Variants in CYP39A1 observed in about 807,000 individuals in gnomAD.
CYP39A1 encodes cytochrome P450 family 39 subfamily A member 1.
In CYP39A1, 49 loss-of-function variants were observed where a neutral mutation model predicts 58.1. The observed-to-expected ratio is 0.84, with a 90% CI of 0.67 to 1.07. The LOEUF (loss-of-function observed/expected upper bound fraction) is 1.07, where lower values mean the gene tolerates loss of function less well. Among genes scored for constraint, CYP39A1 ranks in the 50% least tolerant of loss-of-function variants. The pLI is 0.00. For missense variants in CYP39A1, 531 were observed against 539.4 expected (o/e 0.98, Z 0.16); for synonymous variants, 209 against 187.6 (o/e 1.11, Z -0.93).
rs34991519 is a variant in CYP39A1, at chr6:46,553,073, CAAAA to C, written c.1338+690_1338+693del. On this transcript the variant is annotated intron_variant, in intron 11 of 11. Coordinates refer to ENST00000275016, the MANE Select transcript of CYP39A1 (RefSeq NM_016593.5). ...AACAAATAAAAAACAACCCCCCAACCAAAAAAAAAAAAAAAAAAAAAGGAAAGAA... is the reference window on the plus strand; with the variant it reads ...AACAAATAAAAAACAACCCCCCAACCAAAAAAAAAAAAAAAAAGGAAAGAA... Among the ~76,000 whole-genome samples the C allele has an allele frequency of 3.5e-3, 286 of 81,372 alleles. 3 individuals are homozygous for C. The highest frequency in any genetic ancestry group is 0.013 in the African/African-American group (273 of 21,724). The allele number at this position is 81,372 out of a possible 152,430, so 53.4% of individuals were successfully genotyped here.
At chr6:46,584,101 T>C (rs1772318105) in intron 10 of CYP39A1, among the ~76,000 whole-genome samples, 1 of 152,178 alleles carries the variant, frequency 6.6e-6, no homozygotes, top group Non-Finnish European at 1.5e-5. Flanking sequence ...CCAAATGAAG[T>C]CATTTGCTTT....
rs529418192 is a variant in CYP39A1 at position 46,563,008 on chromosome 6, G to T, written c.1251-9154C>A. Among the ~76,000 whole-genome samples the T allele has an allele frequency of 5.7e-4, 86 of 151,116 alleles. 1 individual carries two copies. In the South Asian group the frequency reaches 0.017, roughly 30 times the overall value. ...AGTATTGATATTTATATTACATTAAGATTTTGATATCTTAAAGGAAAAGTT... is the reference window on the plus strand; with the variant it reads ...AGTATTGATATTTATATTACATTAATATTTTGATATCTTAAAGGAAAAGTT... On this transcript the variant is annotated intron_variant, in intron 10 of 11. Transcript: ENST00000275016.
chr6:46,634,838 A>T (rs1369080718), intron 5 of CYP39A1, among the ~76,000 whole-genome samples: 1 of 152,178 alleles, frequency 6.6e-6, no homozygotes, highest in African/African-American at 2.4e-5. Flanking sequence ...GGGAATTTTA[A>T]CTGGGAATTT....
intron 10 of CYP39A1, chr6:46,586,437 T>C (rs370389878): frequency 1.0e-6 from 1 of 972,828 alleles, no homozygotes; most frequent in Non-Finnish European, 1.2e-6. Flanking sequence ...TCTTCCTCAG[T>C]GCTCTCTGAA....
intron 10 of CYP39A1, among the ~76,000 whole-genome samples, chr6:46,566,852 ACACACATACATATATG>A (rs1224631812): frequency 4.0e-5 from 6 of 151,886 alleles, no homozygotes; most frequent in Non-Finnish European, 7.4e-5. Flanking sequence ...ATATATATAC[ACACACATACATATATG>A]CACACATATA....
chr6:46,612,743 C>T (rs1186483781), intron 7 of CYP39A1, among the ~76,000 whole-genome samples: 2 of 152,190 alleles, frequency 1.3e-5, no homozygotes, highest in Non-Finnish European at 2.9e-5. Flanking sequence ...TCCACTGGAG[C>T]GTCCTTGGCT....
chr6:46,607,049 C>G (rs1330655847), intron 7 of CYP39A1, among the ~76,000 whole-genome samples: 1 of 152,156 alleles, frequency 6.6e-6, no homozygotes, highest in Admixed American at 6.6e-5. Context: ...AGGAGACAAG[C>G]TTGAAAGTAT....
chr6:46,551,800 T>G (rs573987113), intron 11 of CYP39A1, among the ~76,000 whole-genome samples: 1 of 152,312 alleles, frequency 6.6e-6, no homozygotes, highest in African/African-American at 2.4e-5. Flanking sequence ...AGCCTGGTGA[T>G]TTGACGGCCA....
rs113929930 is a variant in CYP39A1 at position 46,558,725 on chromosome 6, C to T, written c.1251-4871G>A. ...AAAAAAGGTGATTGTCGGCCGGGCA[C>T]GGTGGCTCATGCCTATAATCCCAGC... On this transcript the variant is annotated intron_variant, in intron 10 of 11. Coordinates refer to ENST00000275016, the MANE Select transcript of CYP39A1 (RefSeq NM_016593.5). Among the ~76,000 whole-genome samples the T allele has an allele frequency of 7.9e-3, 1,200 of 152,172 alleles. 7 individuals are homozygous for T. The highest frequency in any genetic ancestry group is 0.031 in the Middle Eastern group (9 of 294).
intron 10 of CYP39A1, among the ~76,000 whole-genome samples, chr6:46,557,949 A>AG (rs1322453484): frequency 2.0e-5 from 3 of 150,408 alleles, no homozygotes; most frequent in African/African-American, 4.9e-5. Flanking sequence ...AAAAAAAAAA[A>AG]AAAAAGAAAA....
chr6:46,604,539 G>A (rs1773721057), intron 7 of CYP39A1, among the ~76,000 whole-genome samples: 1 of 152,188 alleles, frequency 6.6e-6, no homozygotes, highest in South Asian at 2.1e-4. Flanking sequence ...TACAAACCAT[G>A]TTTGTCCACC....
At chr6:46,622,412 C>A (rs981682300) in intron 7 of CYP39A1, among the ~76,000 whole-genome samples, 1 of 151,758 alleles carries the variant, frequency 6.6e-6, no homozygotes, top group Admixed American at 6.6e-5. Context: ...AAGATGACAA[C>A]CTGAGAACGC....
In CYP39A1 at chr6:46,652,538, A is replaced by G; in HGVS notation, c.45T>C (p.Leu15=). Residue 15 remains leucine, a synonymous_variant, in exon 1 of 12, where the codon CTT becomes CTC. Coordinates refer to ENST00000275016, the MANE Select transcript of CYP39A1 (RefSeq NM_016593.5). ...TCCGCTGAAGGAGTAAGAACAGAGCAAGGCAACCCAGGATTATAATCACTG... is the reference window on the plus strand; with the variant it reads ...TCCGCTGAAGGAGTAAGAACAGAGCGAGGCAACCCAGGATTATAATCACTG... ...SPTVIIILGC[L]ALFLLLQRKN... is the part of the protein sequence containing the mutation. The G allele has an allele frequency of 6.2e-7, 1 of 1,612,306 alleles. No homozygotes were observed. The highest frequency in any genetic ancestry group is 8.5e-7 in the Non-Finnish European group (1 of 1,179,318).
chr6:46,642,259 T>C lies in CYP39A1; in HGVS notation c.217A>G (p.Met73Val). Reference sequence around the variant, plus strand: ...CCTTCTTCTTCAGTAACAAAGGTCATTCGGTTTCCCATAGCAAAGACTGTA... The same window carrying C: ...CCTTCTTCTTCAGTAACAAAGGTCACTCGGTTTCCCATAGCAAAGACTGTA... Reference protein sequence around the residue: ...IFTVFAMGNRMTFVTEEEGIN... With the variant: ...IFTVFAMGNRVTFVTEEEGIN... The change falls in exon 2 of 12, where the codon ATG becomes GTG. Residue 73 changes from methionine to valine, a missense_variant. Physicochemically the swap from Met to Val is conservative, Grantham distance 21. Coordinates refer to ENST00000275016, the MANE Select transcript of CYP39A1 (RefSeq NM_016593.5). 15 of 1,612,974 alleles carry C rather than the reference T, an allele frequency of 9.3e-6. No homozygotes were observed. The highest frequency in any genetic ancestry group is 1.3e-5 in the Non-Finnish European group (15 of 1,179,380).
At chr6:46,627,041 G>A (rs1189304613) in intron 6 of CYP39A1, among the ~76,000 whole-genome samples, 2 of 152,166 alleles carry the variant, frequency 1.3e-5, no homozygotes, top group Middle Eastern at 3.2e-3. Flanking sequence ...CATGGCAGAA[G>A]GCAAATGGGA....
Position 46,585,711 on chromosome 6 carries a change from C to T in CYP39A1, c.1250+1366G>A, listed in dbSNP as rs146836955. 3.3e-3 allele frequency among the ~76,000 whole-genome samples: 497 copies of T among 152,184 alleles called. 3 individuals carry two copies. Among genetic ancestry groups the T allele is most frequent in the South Asian group, 0.019 (90 of 4,828 alleles). On this transcript the variant is annotated intron_variant, in intron 10 of 11. Coordinates refer to ENST00000275016, the MANE Select transcript of CYP39A1 (RefSeq NM_016593.5). The stretch of plus-strand genomic sequence containing the variant: ...CTAAAAGTGACTTAAAAAGTAAGGA[C>T]ACTTATTATCTAACATAACAGGAAG...
At chr6:46,607,210 C>T (rs896178597) in intron 7 of CYP39A1, among the ~76,000 whole-genome samples, 3 of 152,090 alleles carry the variant, frequency 2.0e-5, no homozygotes, top group Admixed American at 1.3e-4. Flanking sequence ...ACAAAAAATA[C>T]CTGGATATAA....
At chr6:46,623,016 G>A (rs914892250) in intron 7 of CYP39A1, among the ~76,000 whole-genome samples, 2 of 152,160 alleles carry the variant, frequency 1.3e-5, no homozygotes, top group African/African-American at 2.4e-5. Flanking sequence ...GTGCCTAGAA[G>A]TGAGTGTTGA....
chr6:46,651,986 C>A (rs754011158), intron 1 of CYP39A1, among the ~76,000 whole-genome samples: 1 of 152,150 alleles, frequency 6.6e-6, no homozygotes, highest in Non-Finnish European at 1.5e-5. Context: ...TTATTGTGTA[C>A]GGACCAACTG....
Sources: gnomAD v4.1 joint callset for allele counts (sites outside exome capture counted in the v4.1 genomes callset) on GRCh38, gnomAD v4.1.1 for gene constraint, MANE v1.5 for transcripts, NCBI Gene and HGNC (gene_info 2026-07-23, HGNC 2026-07-21) for gene names.